Variants in MALRD1 observed in about 807,000 individuals in gnomAD.
MALRD1 encodes MAM and LDL receptor class A domain containing 1.
In MALRD1, 247 loss-of-function variants were observed where a neutral mutation model predicts 242.1. The ratio of observed to expected loss-of-function variants is 1.02; its 90% confidence interval spans 0.92 to 1.13. The LOEUF (loss-of-function observed/expected upper bound fraction) is 1.13, where lower values mean the gene tolerates loss of function less well. Ranked by LOEUF, MALRD1 falls within the 50% of genes most tolerant of loss-of-function variation. The pLI is 0.00. For missense variants in MALRD1, 2,989 were observed against 2,533.1 expected (o/e 1.18, Z -3.86); for synonymous variants, 995 against 866.6 (o/e 1.15, Z -2.60).
intron 18 of MALRD1, among the ~76,000 whole-genome samples, chr10:19,227,780 A>T (rs1410428573): frequency 6.6e-6 from 1 of 152,198 alleles, no homozygotes; most frequent in Non-Finnish European, 1.5e-5. Context: ...CTCATTTAAT[A>T]TAACATTTTG....
At chr10:19,275,577 G>A (rs1840473184) in intron 19 of MALRD1, among the ~76,000 whole-genome samples, 1 of 152,172 alleles carries the variant, frequency 6.6e-6, no homozygotes, top group South Asian at 2.1e-4. Flanking sequence ...GCTGAGGCAG[G>A]AGAATGGTGT....
intron 36 of MALRD1, among the ~76,000 whole-genome samples, chr10:19,638,101 CAAAAAAAAAAAAAA>C (rs56865342): frequency 1.2e-4 from 5 of 41,926 alleles, no homozygotes; most frequent in Middle Eastern, 0.019. Flanking sequence ...AACTCACTCT[CAAAAAAAAAAAAAA>C]AAAAAAAAAA....
chr10:19,490,902 T>C (rs1050370178), intron 29 of MALRD1, among the ~76,000 whole-genome samples: 1 of 152,148 alleles, frequency 6.6e-6, no homozygotes, highest in African/African-American at 2.4e-5. Context: ...GACACTTTAA[T>C]TATGTGTATA....
At chr10:19,147,495 GA>G (rs1833763978) in intron 11 of MALRD1, among the ~76,000 whole-genome samples, 1 of 152,154 alleles carries the variant, frequency 6.6e-6, no homozygotes, top group Non-Finnish European at 1.5e-5. Flanking sequence ...GTTTAAAATA[GA>G]AAGGGGACTA....
In MALRD1 at chr10:19,607,382, C is replaced by G. The variant is rs751141525; in HGVS notation, c.5945-395C>G. Among the ~76,000 whole-genome samples the G allele has an allele frequency of 4.6e-5, 7 of 152,104 alleles. No individual in the cohort carries two copies. In the South Asian group the frequency reaches 1.2e-3, roughly 27 times the overall value. ...TGGCTTACAGATGGCTGCCTTCTTG[C>G]TGTGTCTTCACGTAGCCTTTCCTGT... On this transcript the variant is annotated intron_variant, in intron 34 of 39. Transcript: ENST00000454679.
chr10:19,610,794 T>C (rs1399577355), intron 35 of MALRD1, among the ~76,000 whole-genome samples: 1 of 151,974 alleles, frequency 6.6e-6, no homozygotes, highest in African/African-American at 2.4e-5. Flanking sequence ...TCAAGTAAGT[T>C]ATATGAAAGG....
chr10:19,374,948 A>G (rs1306693770), intron 26 of MALRD1, among the ~76,000 whole-genome samples: 1 of 152,320 alleles, frequency 6.6e-6, no homozygotes, highest in African/African-American at 2.4e-5. Context: ...AAGGACAGAT[A>G]TAGGGGGCAA....
intron 24 of MALRD1, among the ~76,000 whole-genome samples, chr10:19,345,683 G>A (rs1844083767): frequency 6.6e-6 from 1 of 151,722 alleles, no homozygotes; most frequent in Non-Finnish European, 1.5e-5. Flanking sequence ...CTCTATCCTT[G>A]AAGACATTAC....
At chr10:19,647,742 C>T (rs146296544) in intron 36 of MALRD1, among the ~76,000 whole-genome samples, 33 of 152,192 alleles carry the variant, frequency 2.2e-4, no homozygotes, top group African/African-American at 6.7e-4. Context: ...GAAGTCATTA[C>T]GTCAATAATA....
At chr10:19,652,697 A>G (rs1043621692) in intron 36 of MALRD1, among the ~76,000 whole-genome samples, 2 of 152,198 alleles carry the variant, frequency 1.3e-5, no homozygotes, top group Admixed American at 1.3e-4. Context: ...GCTTACCAGG[A>G]AATTGTATAC....
intron 28 of MALRD1, among the ~76,000 whole-genome samples, chr10:19,428,586 A>G (rs1325537759): frequency 6.6e-6 from 1 of 152,028 alleles, no homozygotes; most frequent in Non-Finnish European, 1.5e-5. Flanking sequence ...AAAATCCTTC[A>G]CATATATTAT....
intron 29 of MALRD1, among the ~76,000 whole-genome samples, chr10:19,479,018 T>G (rs1158725971): frequency 6.6e-6 from 1 of 152,220 alleles, no homozygotes; most frequent in Admixed American, 6.5e-5. Context: ...GTGTTTCAAA[T>G]AGCCACCTAT....
intron 31 of MALRD1, among the ~76,000 whole-genome samples, chr10:19,498,869 G>A (rs1312685529): frequency 1.3e-5 from 2 of 152,124 alleles, no homozygotes; most frequent in Non-Finnish European, 2.9e-5. Flanking sequence ...CATATTTTAA[G>A]AGACTCACAG....
At chr10:19,237,174 T>C (rs1838356960) in intron 18 of MALRD1, among the ~76,000 whole-genome samples, 1 of 151,882 alleles carries the variant, frequency 6.6e-6, no homozygotes, top group African/African-American at 2.4e-5. Context: ...CACTTTGTAA[T>C]ATACAATACT....
intron 28 of MALRD1, among the ~76,000 whole-genome samples, chr10:19,447,698 T>G (rs1361372940): frequency 6.6e-6 from 1 of 152,118 alleles, no homozygotes; most frequent in Non-Finnish European, 1.5e-5. Flanking sequence ...GACAGGCTTT[T>G]GTCAATATCC....
At chr10:19,602,575 T>C (rs1378241817) in intron 34 of MALRD1, among the ~76,000 whole-genome samples, 3 of 152,176 alleles carry the variant, frequency 2.0e-5, no homozygotes, top group African/African-American at 7.2e-5. Context: ...TGTGTCACAT[T>C]TTCTTAATCC....
intron 1 of MALRD1, among the ~76,000 whole-genome samples, chr10:19,053,022 G>A (rs1459906283): frequency 2.0e-5 from 3 of 152,096 alleles, no homozygotes; most frequent in Non-Finnish European, 2.9e-5. Context: ...GATTAGTTCT[G>A]GGACCGTACT....
chr10:19,567,831 T>A, intron 33 of MALRD1, 128 bp downstream of exon 33: 1 of 817,312 alleles, frequency 1.2e-6, no homozygotes, highest in Non-Finnish European at 1.9e-6. Flanking sequence ...TGGAAAAGAG[T>A]CACATATACT....
At chr10:19,430,307 A>G (rs981168773) in intron 28 of MALRD1, among the ~76,000 whole-genome samples, 1 of 151,238 alleles carries the variant, frequency 6.6e-6, no homozygotes, top group Admixed American at 6.6e-5. Flanking sequence ...TTTAGTAGAC[A>G]TGGGGCTTCA....
Sources: gnomAD v4.1 joint callset for allele counts (sites outside exome capture counted in the v4.1 genomes callset) on GRCh38, gnomAD v4.1.1 for gene constraint, MANE v1.5 for transcripts, NCBI Gene and HGNC (gene_info 2026-07-23, HGNC 2026-07-21) for gene names.